The following SCAPER variants were observed in gnomAD, a reference collection of about 807,000 sequenced individuals.
The protein encoded by SCAPER is S phase cyclin A-associated protein in the endoplasmic reticulum.
In SCAPER, 98 loss-of-function variants were observed where a neutral mutation model predicts 182.2. The observed-to-expected ratio is 0.54, with a 90% CI of 0.46 to 0.64. The LOEUF is 0.64. Ranked by LOEUF, SCAPER falls within the 30% of genes least tolerant of loss-of-function variation. The pLI, the probability that SCAPER is intolerant of heterozygous loss-of-function variation, is 0.00. For synonymous variants in SCAPER, 605 were observed against 564.6 expected, an observed-to-expected ratio of 1.07 and a Z score of -1.01; for missense variants, 1,432 against 1,690.0, an observed-to-expected ratio of 0.85 and a Z score of 2.68.
At chr15:76,726,134 T>TATATAA (rs1170713197) in intron 17 of SCAPER, among the ~76,000 whole-genome samples, 3 of 119,770 alleles carry the variant, frequency 2.5e-5, no homozygotes, top group African/African-American at 9.4e-5. Flanking sequence ...AATATATATA[T>TATATAA]ATATATATAT....
At chr15:76,815,984 G>A (rs913403584) in intron 5 of SCAPER, among the ~76,000 whole-genome samples, 3 of 152,070 alleles carry the variant, frequency 2.0e-5, no homozygotes, top group African/African-American at 4.8e-5. Flanking sequence ...GTAAAAATAC[G>A]TTGCAAAATA....
At chr15:76,763,599 T>C (rs1046436848) in intron 14 of SCAPER, among the ~76,000 whole-genome samples, 2 of 152,098 alleles carry the variant, frequency 1.3e-5, no homozygotes, top group Admixed American at 6.5e-5. Context: ...CTATAATGCA[T>C]ATATTCATTC....
chr15:76,717,625 G>A (rs2059958657), intron 17 of SCAPER, among the ~76,000 whole-genome samples: 1 of 152,028 alleles, frequency 6.6e-6, no homozygotes, highest in East Asian at 1.9e-4. Context: ...GTTGTTAAGT[G>A]TAACAGTATA....
chr15:76,498,003 A>AAT (rs1378318480), intron 24 of SCAPER, among the ~76,000 whole-genome samples: 1 of 149,088 alleles, frequency 6.7e-6, no homozygotes, highest in Non-Finnish European at 1.5e-5. Context: ...AAAAAAAAAA[A>AAT]AAAAAAAAAA....
At chr15:76,839,672 C>T (rs1426224516) in intron 5 of SCAPER, among the ~76,000 whole-genome samples, 1 of 152,136 alleles carries the variant, frequency 6.6e-6, no homozygotes, top group Non-Finnish European at 1.5e-5. Context: ...AAACTTTCTC[C>T]ATTCTTTTAA....
chr15:76,652,136 A>C (rs2055108578), intron 21 of SCAPER, among the ~76,000 whole-genome samples: 1 of 149,042 alleles, frequency 6.7e-6, no homozygotes, highest in Non-Finnish European at 1.5e-5. Context: ...AAATAAGGCC[A>C]GGCATGAGGG....
rs866843172 is a variant in SCAPER, at chr15:76,784,286, T to C, written c.773-9169A>G. Among the ~76,000 whole-genome samples, 4 of 152,224 alleles carry C rather than the reference T, an allele frequency of 2.6e-5. No individual in the cohort carries two copies. The South Asian group carries it at 6.2e-4, about 24-fold the overall frequency. ...ATCATGAGTGAACTCCCATTCACAA[T>C]TGCTTCAAAGAGAATAAAATACCTA... On this transcript the variant is annotated intron_variant, in intron 8 of 31. Coordinates refer to ENST00000563290, the MANE Select transcript of SCAPER (RefSeq NM_020843.4).
At chr15:76,572,911 T>TCACACACACACA (rs67724539) in intron 23 of SCAPER, among the ~76,000 whole-genome samples, 140 of 109,112 alleles carry the variant, frequency 1.3e-3, no homozygotes, top group Middle Eastern at 4.3e-3. Flanking sequence ...TCTCTCTCTC[T>TCACACACACACA]CTCTCTCTCA....
intron 25 of SCAPER, among the ~76,000 whole-genome samples, chr15:76,434,818 C>T (rs1458613481): frequency 6.6e-6 from 1 of 152,184 alleles, no homozygotes; most frequent in Admixed American, 6.5e-5. Context: ...ATGCCACACT[C>T]AGCTCTCTTT....
At chr15:76,631,480 G>A (rs2053106213) in intron 21 of SCAPER, among the ~76,000 whole-genome samples, 1 of 152,168 alleles carries the variant, frequency 6.6e-6, no homozygotes, top group South Asian at 2.1e-4. Flanking sequence ...TGCAAGGCAG[G>A]CCTGGTGGTG....
Position 76,841,729 on chromosome 15 carries a change from C to A in SCAPER, c.393+5G>T. On this transcript the variant is annotated splice_donor_5th_base_variant and intron_variant, in intron 5 of 31. Transcript: ENST00000563290. ...TGGATTACAAGGCCTCAAAGCAAAC[C>A]TTACCTTACATTCGACCACACTCTG... 1.9e-6 allele frequency: 3 copies of A among 1,613,474 alleles called. No individual in the cohort carries two copies. The highest frequency in any genetic ancestry group is 1.1e-5 in the South Asian group (1 of 91,034).
At chr15:76,786,890 G>A (rs890910691) in intron 8 of SCAPER, among the ~76,000 whole-genome samples, 6 of 151,866 alleles carry the variant, frequency 4.0e-5, no homozygotes, top group African/African-American at 1.5e-4. Flanking sequence ...ACTTATAATC[G>A]CAAAAAGAAA....
chr15:76,737,775 CT>C (rs2061348097), intron 15 of SCAPER, among the ~76,000 whole-genome samples: 1 of 152,250 alleles, frequency 6.6e-6, no homozygotes, highest in Admixed American at 6.5e-5. Context: ...TACGTCAGCA[CT>C]TATTGCCTTA....
intron 26 of SCAPER, among the ~76,000 whole-genome samples, chr15:76,428,696 A>G (rs284892): frequency 0.53 from 79,269 of 150,888 alleles, 21,657 homozygotes; most frequent in Non-Finnish European, 0.61. Context: ...GCTACAATTA[A>G]ATAGGAGGAA....
At chr15:76,357,033 A>T (rs1566983180) in intron 29 of SCAPER, among the ~76,000 whole-genome samples, 1 of 152,170 alleles carries the variant, frequency 6.6e-6, no homozygotes, top group Non-Finnish European at 1.5e-5. Context: ...CTAAAGAGCT[A>T]GGAGATCTGG....
intron 20 of SCAPER, among the ~76,000 whole-genome samples, chr15:76,689,902 T>C (rs549545407): frequency 1.3e-5 from 2 of 151,642 alleles, no homozygotes; most frequent in Non-Finnish European, 2.9e-5. Context: ...TAAGATAATG[T>C]AGTACTAGAA....
chr15:76,763,071 A>T (rs2062890678), intron 14 of SCAPER, among the ~76,000 whole-genome samples: 1 of 152,002 alleles, frequency 6.6e-6, no homozygotes, highest in African/African-American at 2.4e-5. Context: ...TTTCCTTCAT[A>T]CGCTTTTACA....
chr15:76,613,454 G>T (rs188037495), intron 22 of SCAPER, among the ~76,000 whole-genome samples: 110 of 152,236 alleles, frequency 7.2e-4, no homozygotes, highest in African/African-American at 2.6e-3. Flanking sequence ...CTTCTGAACA[G>T]CAAAAGAAAC....
intron 25 of SCAPER, among the ~76,000 whole-genome samples, chr15:76,460,572 A>C (rs1245070595): frequency 6.6e-6 from 1 of 152,148 alleles, no homozygotes; most frequent in African/African-American, 2.4e-5. Flanking sequence ...AAATTGGAAA[A>C]TATTTTAGCC....
Sources: allele counts gnomAD v4.1 joint callset (sites outside exome capture counted in the v4.1 genomes callset), GRCh38; gene constraint gnomAD v4.1.1; transcripts MANE v1.5; gene names NCBI Gene and HGNC (gene_info 2026-07-23, HGNC 2026-07-21).